STOX2: variants seen among roughly 807,000 people sequenced by gnomAD.
STOX2 encodes the protein storkhead box 2, also known as storkhead-box protein 2.
Under a neutral mutation model 60.9 loss-of-function variants are expected in STOX2, and 28 were observed. That is an observed-to-expected ratio of 0.46 (90% CI 0.34 to 0.63). STOX2 has a LOEUF of 0.63. STOX2 is among the 30% of genes least tolerant of loss of function. The pLI, the probability that STOX2 is intolerant of heterozygous loss-of-function variation, is 0.01. For missense variants in STOX2, 1,024 were observed against 1,187.7 expected (o/e 0.86, Z 2.03); for synonymous variants, 472 against 463.9 (o/e 1.02, Z -0.22).
chr4:183,993,360 G>T (rs759873410), intron 1 of STOX2, among the ~76,000 whole-genome samples: 1 of 152,188 alleles, frequency 6.6e-6, no homozygotes, highest in Non-Finnish European at 1.5e-5. Flanking sequence ...ACAAAGGCCC[G>T]GGTGACGTGG....
chr4:183,801,934 A>T (rs1241836561), intron 1 of STOX2, among the ~76,000 whole-genome samples: 1 of 152,226 alleles, frequency 6.6e-6, no homozygotes, highest in Non-Finnish European at 1.5e-5. Flanking sequence ...GGCCTATTGA[A>T]ACAGAGGGAG....
chr4:183,917,838 C>G (rs1373668336), intron 1 of STOX2, among the ~76,000 whole-genome samples: 2 of 152,242 alleles, frequency 1.3e-5, no homozygotes, highest in Non-Finnish European at 2.9e-5. Context: ...TACATTGGTG[C>G]TGGCACCCAC....
upstream of STOX2, among the ~76,000 whole-genome samples, chr4:183,904,313 A>G (rs1169055398): frequency 6.6e-6 from 1 of 152,246 alleles, no homozygotes; most frequent in Non-Finnish European, 1.5e-5. Flanking sequence ...TGGGGTAGGT[A>G]AATATCCAAG....
chr4:183,873,836 C>T (rs534421479), intron 1 of STOX2, among the ~76,000 whole-genome samples: 11 of 152,284 alleles, frequency 7.2e-5, no homozygotes, highest in African/African-American at 2.2e-4. Context: ...CACAAAGCTG[C>T]CAGGGCTGCA....
At chr4:183,955,719 A>G (rs1719742938) in intron 1 of STOX2, among the ~76,000 whole-genome samples, 1 of 151,762 alleles carries the variant, frequency 6.6e-6, no homozygotes, top group Admixed American at 6.6e-5. Flanking sequence ...AGTTTGGGAG[A>G]GGATTGTTCT....
chr4:183,856,042 T>C lies in STOX2; in HGVS notation c.364+57987T>C, dbSNP rs903419389. Among the ~76,000 whole-genome samples the C allele has an allele frequency of 2.6e-5, 4 of 152,200 alleles. No individual in the cohort carries two copies. Among genetic ancestry groups the C allele is most frequent in the Non-Finnish European group, 5.9e-5 (4 of 68,034 alleles). The stretch of plus-strand genomic sequence containing the variant: ...CCTGGCCTGTCTCCTCTGAGTTCGC[T>C]TCCAGCCTAGGTCTCATTCCTGGCC... On this transcript the variant is annotated intron_variant, in intron 1 of 2. Transcript: ENST00000513034. The surrounding 1 kb of genome is among the most constrained non-coding windows in gnomAD (Gnocchi z 4.0).
intron 1 of STOX2, among the ~76,000 whole-genome samples, chr4:183,992,639 T>G (rs1733160138): frequency 6.6e-6 from 1 of 152,232 alleles, no homozygotes; most frequent in South Asian, 2.1e-4. Context: ...ATCTGGGAGA[T>G]CTTACTAATT....
At chr4:183,830,522 C>T (rs1162717828) in intron 1 of STOX2, among the ~76,000 whole-genome samples, 4 of 152,160 alleles carry the variant, frequency 2.6e-5, no homozygotes, top group Non-Finnish European at 5.9e-5. Flanking sequence ...TATCCTTTGA[C>T]CTTAGCCATG....
rs1738884104 is a variant in STOX2, at chr4:183,806,186, T to C, written c.364+8131T>C. On this transcript the variant is annotated intron_variant, in intron 1 of 2. Transcript: ENST00000513034. This position sits in a 1 kb window ranked among gnomAD's most constrained non-coding sequence, Gnocchi z 4.1. ...GATGAAAATAAACACGATTAAAGAC[T>C]CCATTTTCCCAATTTATTGTGAAGG... Among the ~76,000 whole-genome samples, 2 of 152,186 alleles carry C rather than the reference T, an allele frequency of 1.3e-5. No homozygotes were observed. Among genetic ancestry groups the C allele is most frequent in the African/African-American group, 2.4e-5 (1 of 41,454 alleles).
chr4:183,855,181 C>T (rs1445177872), intron 1 of STOX2, among the ~76,000 whole-genome samples: 7 of 152,242 alleles, frequency 4.6e-5, no homozygotes, highest in Admixed American at 4.6e-4. Flanking sequence ...TGAAATCACA[C>T]GCATTACTTT....
intron 1 of STOX2, among the ~76,000 whole-genome samples, chr4:183,843,158 A>AAAAAAAG (rs1553967453): frequency 5.3e-5 from 8 of 150,600 alleles, no homozygotes; most frequent in African/African-American, 1.7e-4. Flanking sequence ...AAAAAAAAAA[A>AAAAAAAG]AAAAAGAAAA....
rs2111248778 is a variant in STOX2 at position 184,010,488 on chromosome 4, C to A, written c.1650C>A (p.Ser550Arg). The change falls in exon 3 of 4, where the codon AGC (serine) becomes AGA (arginine). Residue 550 changes from serine to arginine, a missense_variant. Physicochemically the swap from Ser to Arg is moderately radical, Grantham distance 110. Transcript: ENST00000308497. The surrounding 1 kb of genome is among the most constrained non-coding windows in gnomAD (Gnocchi z 4.5). ...AAAGGGCTCACATTTCGTCCACAAG[C>A]TATAAAGAGGTGTGTATTCCAGAGA... ...SLQRAHISSTSYKEVCIPEIV... is the reference protein window; with the variant it reads ...SLQRAHISSTRYKEVCIPEIV... 1 of 1,613,888 alleles carries A rather than the reference C, an allele frequency of 6.2e-7. No individual in the cohort carries two copies. The highest frequency in any genetic ancestry group is 2.2e-5 in the East Asian group (1 of 44,878).
chr4:183,861,130 T>A (rs1396795557), intron 1 of STOX2, among the ~76,000 whole-genome samples: 1 of 152,152 alleles, frequency 6.6e-6, no homozygotes, highest in Admixed American at 6.5e-5. Flanking sequence ...TCCAGATCGC[T>A]CCTAACTAAA....
intron 1 of STOX2, among the ~76,000 whole-genome samples, chr4:183,912,230 G>GT (rs1741801404): frequency 6.6e-6 from 1 of 152,156 alleles, no homozygotes; most frequent in African/African-American, 2.4e-5. Context: ...GGCTTTGATG[G>GT]TTTTGTTTTG....
At chr4:183,855,491 C>T (rs9997501) in intron 1 of STOX2, among the ~76,000 whole-genome samples, 54,847 of 152,024 alleles carry the variant, frequency 0.36, 10,352 homozygotes, top group East Asian at 0.59. Flanking sequence ...TGTTCACTTC[C>T]TTTTCCTGGA....
chr4:183,869,841 C>T (rs1740647759), intron 1 of STOX2, among the ~76,000 whole-genome samples: 2 of 152,016 alleles, frequency 1.3e-5, no homozygotes, highest in African/African-American at 2.4e-5. Flanking sequence ...ACAATCCTTC[C>T]CAGTCATCAG....
chr4:183,966,869 A>G (rs1443249904), intron 1 of STOX2, among the ~76,000 whole-genome samples: 3 of 152,152 alleles, frequency 2.0e-5, no homozygotes, highest in Admixed American at 6.5e-5. Flanking sequence ...TGTCTTAGCT[A>G]TTATATAATC....
chr4:184,008,512 C>CAAAAAGGAG (rs1316754484), intron 2 of STOX2, among the ~76,000 whole-genome samples: 1 of 152,024 alleles, frequency 6.6e-6, no homozygotes, highest in African/African-American at 2.4e-5. Context: ...TGACTGACGC[C>CAAAAAGGAG]AAAAAGGAGA....
intron 1 of STOX2, among the ~76,000 whole-genome samples, chr4:183,833,709 G>A (rs896135288): frequency 1.4e-5 from 2 of 147,774 alleles, no homozygotes; most frequent in Non-Finnish European, 3.0e-5. Context: ...AGGGCCGGGC[G>A]CGGTGGCTCA....
Sources: gnomAD v4.1 joint callset for allele counts (sites outside exome capture counted in the v4.1 genomes callset) on GRCh38, gnomAD v4.1.1 for gene constraint, Gnocchi (gnomAD v3.1) non-coding constraint, MANE v1.5 for transcripts, NCBI Gene and HGNC (gene_info 2026-07-23, HGNC 2026-07-21) for gene names.